Variants in TAGLN2 observed in about 807,000 individuals in gnomAD.
TAGLN2 encodes the protein transgelin-2.
TAGLN2 carries 14 observed loss-of-function variants against 24.9 expected under a neutral mutation model. The observed-to-expected ratio is 0.56, with a 90% confidence interval of 0.37 to 0.88. The LOEUF (loss-of-function observed/expected upper bound fraction) is 0.88, where lower values mean the gene tolerates loss of function less well. Among genes scored for constraint, TAGLN2 ranks in the 40% least tolerant of loss-of-function variants. The probability of loss-of-function intolerance (pLI) is 0.00; values close to 1 mark genes in which losing one functional copy is unlikely to be tolerated. For synonymous variants in TAGLN2, 77 were observed against 98.2 expected (o/e 0.78, Z 1.28); for missense variants, 208 against 258.9 (o/e 0.80, Z 1.35).
chr1:159,923,751 A>C, intron 1 of TAGLN2: 2 of 378,654 alleles, frequency 5.3e-6, no homozygotes. Context: ...CTGAGGCTAC[A>C]CAAACAGGAA....
chr1:159,924,356 C>T (rs2486256), intron 1 of TAGLN2: 127,754 of 152,360 alleles, frequency 0.84, 55,365 homozygotes, highest in Non-Finnish European at 0.96. Context: ...GATAGAGAGC[C>T]ATTGCTGTCT....
chr1:159,919,153 G>T, intron 4 of TAGLN2, 121 bp downstream of exon 4: 3 of 1,254,106 alleles, frequency 2.4e-6, no homozygotes, highest in Non-Finnish European at 3.5e-6. Context: ...GTGAGATGAG[G>T]AATTTTCTGA....
At chr1:159,919,220 T>G in intron 4 of TAGLN2, 54 bp downstream of exon 4, 1 of 1,538,656 alleles carries the variant, frequency 6.5e-7, no homozygotes, top group Non-Finnish European at 9.0e-7. Flanking sequence ...AGGGACAGGA[T>G]TGGGCAGAAA....
At chr1:159,924,392 TG>T in intron 1 of TAGLN2, 1 of 152,478 alleles carries the variant, frequency 6.6e-6, no homozygotes, top group Non-Finnish European at 1.5e-5. Context: ...ATGAGAACAC[TG>T]GGGGAGCCCC....
chr1:159,920,176 C>T (rs561217939), intron 2 of TAGLN2, 154 bp downstream of exon 2: 11 of 1,233,896 alleles, frequency 8.9e-6, no homozygotes, highest in Middle Eastern at 1.9e-4. Context: ...AAAGCATGGG[C>T]CCTCTCACAT....
intron 1 of TAGLN2, 88 bp from the exon 2 acceptor site, chr1:159,920,625 A>C (rs529363169): frequency 6.6e-7 from 1 of 1,504,204 alleles, no homozygotes; most frequent in South Asian, 1.3e-5. Context: ...AGGGATATAC[A>C]CCATTTCCCC....
In TAGLN2 at chr1:159,918,655, G is replaced by A; in HGVS notation, c.*145C>T. 2 of 1,150,670 alleles carry A rather than the reference G, an allele frequency of 1.7e-6. No homozygotes were observed. The highest frequency in any genetic ancestry group is 2.5e-6 in the Non-Finnish European group (2 of 813,512). 71.3% of individuals were successfully genotyped at this position (1,150,670 alleles called of 1,614,324 possible). A position where few individuals can be genotyped will look rare whatever the true frequency, so the allele number is the denominator to read the frequency against. ...GGAGAGGATGCCAGCAGGCACCTCA[G>A]AGGTGACAGGACAGGCTGAACCCCC... On this transcript the variant is annotated 3_prime_UTR_variant, in exon 5 of 5. Transcript: ENST00000368097.
chr1:159,920,132 T>C (rs752157325), intron 2 of TAGLN2, 198 bp downstream of exon 2: 39 of 908,626 alleles, frequency 4.3e-5, no homozygotes, highest in Non-Finnish European at 5.7e-5. Flanking sequence ...GGGAGGCACA[T>C]TCACCCTTAC....
chr1:159,923,683 T>G, intron 1 of TAGLN2: 2 of 445,358 alleles, frequency 4.5e-6, no homozygotes, highest in Non-Finnish European at 4.0e-6. Flanking sequence ...GGCCCACAAT[T>G]AAGGGAACCA....
intron 4 of TAGLN2, 40 bp downstream of exon 4, chr1:159,919,234 T>C (rs1168955720): frequency 1.3e-6 from 2 of 1,576,812 alleles, no homozygotes; most frequent in Non-Finnish European, 1.7e-6. Flanking sequence ...GCAGAAACAA[T>C]GCACCTGCTG....
At chr1:159,922,231 G>T (rs953605423) in intron 1 of TAGLN2, among the ~76,000 whole-genome samples, 36 of 152,204 alleles carry the variant, frequency 2.4e-4, no homozygotes, top group African/African-American at 8.4e-4. Context: ...TCTTGGGCCA[G>T]TCCCTCCCGT....
At chr1:159,922,863 G>A (rs902736830) in intron 1 of TAGLN2, among the ~76,000 whole-genome samples, 8 of 152,248 alleles carry the variant, frequency 5.3e-5, no homozygotes, top group African/African-American at 1.4e-4. Context: ...GGTGGAAAGT[G>A]GATGCTGAGG....
rs752451549 is a variant in TAGLN2, at chr1:159,918,888, T to C, written c.512A>G (p.Lys171Arg). 6 of 1,614,126 alleles carry C rather than the reference T, an allele frequency of 3.7e-6. No individual in the cohort carries two copies. The highest frequency in any genetic ancestry group is 4.2e-6 in the Non-Finnish European group (5 of 1,180,044). The stretch of plus-strand genomic sequence containing the variant: ...GCCCATCTGTAACCCGATCACGTTC[T>C]TGCCCTCTTGCAGCTGGTTATCCGA... Reference protein sequence around the residue: ...NFSDNQLQEGKNVIGLQMGTN... With the variant: ...NFSDNQLQEGRNVIGLQMGTN... The change falls in exon 5 of 5, where the codon AAG becomes AGG. Residue 171 changes from lysine to arginine, a missense_variant. Physicochemically the swap from Lys to Arg is conservative, Grantham distance 26. Transcript: ENST00000368097.
intron 1 of TAGLN2, 157 bp downstream of exon 1, chr1:159,925,293 G>A (rs1361481206): frequency 6.6e-6 from 1 of 152,316 alleles, no homozygotes; most frequent in East Asian, 1.9e-4. Flanking sequence ...TTGGGGACAG[G>A]ACCTGACAGC....
In TAGLN2 at chr1:159,920,134, CACCCTT is replaced by C. The variant is rs763648918; in HGVS notation, c.180+190_180+195del. 3 of 916,074 alleles carry C rather than the reference CACCCTT, an allele frequency of 3.3e-6. No homozygotes were observed. The African/African-American group carries it at 4.9e-5, about 15-fold the overall frequency. The allele number at this position is 916,074 out of a possible 1,614,324, so 56.7% of individuals were successfully genotyped here. ...TCTTCCACTGCCTGGGAGGCACATTCACCCTTACCCTCCACTCCACGGGAAGGGAGG... is the reference window on the plus strand; with the variant it reads ...TCTTCCACTGCCTGGGAGGCACATTCACCCTCCACTCCACGGGAAGGGAGG... On this transcript the variant is annotated intron_variant, in intron 2 of 4. Coordinates refer to ENST00000368097, the MANE Select transcript of TAGLN2 (RefSeq NM_003564.3).
intron 1 of TAGLN2, among the ~76,000 whole-genome samples, chr1:159,921,370 TAAC>T (rs72007288): frequency 0.33 from 50,757 of 151,578 alleles, 10,526 homozygotes; most frequent in Admixed American, 0.43. Context: ...GTGGGAGAAG[TAAC>T]AACAACAACA....
chr1:159,924,601 C>CT, intron 1 of TAGLN2: 1 of 152,376 alleles, frequency 6.6e-6, no homozygotes, highest in Non-Finnish European at 1.5e-5. Context: ...CCGCCGCCCC[C>CT]CACCCCCACG....
Position 159,920,402 on chromosome 1 carries a change from G to A in TAGLN2, c.108C>T (p.Thr36=). Reference sequence around the variant, plus strand: ...GCCGGCCCACATCCTTTCGGCACTGGGTGGTGATCCACTGGATCAGGATCT... The same window carrying A: ...GCCGGCCCACATCCTTTCGGCACTGAGTGGTGATCCACTGGATCAGGATCT... ...LEQILIQWIT[T]QCRKDVGRPQ... is the part of the protein sequence containing the mutation. Residue 36 remains threonine, a synonymous_variant, in exon 2 of 5, where the codon ACC becomes ACT. Transcript: ENST00000368097. The A allele has an allele frequency of 6.2e-7, 1 of 1,614,156 alleles. No homozygotes were observed. Among genetic ancestry groups the A allele is most frequent in the East Asian group, 2.2e-5 (1 of 44,880 alleles).
Position 159,919,657 on chromosome 1 carries a change from C to T in TAGLN2, c.355+4G>A. 6.2e-7 allele frequency: 1 copy of T among 1,611,578 alleles called. No homozygotes were observed. The highest frequency in any genetic ancestry group is 8.5e-7 in the Non-Finnish European group (1 of 1,179,068). On this transcript the variant is annotated splice_donor_region_variant and intron_variant, in intron 3 of 4. Coordinates refer to ENST00000368097, the MANE Select transcript of TAGLN2 (RefSeq NM_003564.3). ...ACAGGACCCAGCCCCTCGCCCTGTC[C>T]CACCTTCCCAGAGGTCCACAGTTTG...
Sources: allele counts gnomAD v4.1 joint callset (sites outside exome capture counted in the v4.1 genomes callset), GRCh38; gene constraint gnomAD v4.1.1; transcripts MANE v1.5; gene names NCBI Gene and HGNC (gene_info 2026-07-23, HGNC 2026-07-21).